The following OPCML variants were observed in gnomAD, a reference collection of about 807,000 sequenced individuals.
OPCML encodes the protein opioid-binding protein/cell adhesion molecule.
OPCML carries 13 observed loss-of-function variants against 37.8 expected under a neutral mutation model. That is an observed-to-expected ratio of 0.34 (90% confidence interval 0.22 to 0.55). OPCML has a LOEUF of 0.55. OPCML is among the 20% of genes least tolerant of loss of function. The pLI, the probability that OPCML is intolerant of heterozygous loss-of-function variation, is 0.91. For missense variants in OPCML, 341 were observed against 435.6 expected (o/e 0.78, Z 1.93); for synonymous variants, 176 against 168.8 (o/e 1.04, Z -0.33).
chr11:132,420,443 G>A, intron 7 of OPCML, 150 bp from the exon 8 acceptor site: 1 of 1,399,610 alleles, frequency 7.1e-7, no homozygotes, highest in Non-Finnish European at 9.3e-7. Flanking sequence ...CCCATTGGGA[G>A]TATTTAGGAA....
intron 1 of OPCML, among the ~76,000 whole-genome samples, chr11:133,287,664 C>A (rs903033175): frequency 2.6e-5 from 4 of 152,036 alleles, no homozygotes; most frequent in African/African-American, 9.7e-5. Context: ...AGCAGACAGG[C>A]AGAACCAGGG....
At chr11:132,797,378 A>T (rs929200567) in intron 2 of OPCML, among the ~76,000 whole-genome samples, 1 of 152,218 alleles carries the variant, frequency 6.6e-6, no homozygotes, top group Admixed American at 6.5e-5. Context: ...CTCCAATTGA[A>T]TTGTTTTGGC....
intron 1 of OPCML, among the ~76,000 whole-genome samples, chr11:133,363,865 G>T (rs1274184514): frequency 1.3e-5 from 2 of 152,096 alleles, no homozygotes; most frequent in Non-Finnish European, 2.9e-5. Flanking sequence ...GTTTAGCATG[G>T]TACCCAAGAA....
chr11:133,414,629 T>G (rs929428684), intron 1 of OPCML, among the ~76,000 whole-genome samples: 1 of 152,290 alleles, frequency 6.6e-6, no homozygotes, highest in Non-Finnish European at 1.5e-5. Context: ...GGAATCCATC[T>G]AATCCCGCAG....
chr11:133,083,690 A>C (rs1948776327), intron 1 of OPCML, among the ~76,000 whole-genome samples: 1 of 152,154 alleles, frequency 6.6e-6, no homozygotes, highest in South Asian at 2.1e-4. Context: ...ATTCCTTTGG[A>C]ACACGGCCTC....
intron 1 of OPCML, among the ~76,000 whole-genome samples, chr11:133,330,811 T>C (rs1943601902): frequency 6.6e-6 from 1 of 152,174 alleles, no homozygotes; most frequent in Admixed American, 6.5e-5. Context: ...GTTGTGCACA[T>C]GTACCCTAAA....
intron 2 of OPCML, among the ~76,000 whole-genome samples, chr11:132,937,577 T>G (rs78487482): frequency 7.0e-6 from 1 of 143,248 alleles, no homozygotes; most frequent in East Asian, 2.1e-4. Flanking sequence ...GTGTGTGTGG[T>G]GTGTGTGGCG....
intron 1 of OPCML, among the ~76,000 whole-genome samples, chr11:133,363,949 G>A (rs539869875): frequency 6.6e-6 from 1 of 152,104 alleles, no homozygotes; most frequent in African/African-American, 2.4e-5. Context: ...CATCAAGCTC[G>A]CAGTGACCTA....
At chr11:133,422,539 C>A (rs78459949) in intron 1 of OPCML, 1 of 965,574 alleles carries the variant, frequency 1.0e-6, no homozygotes, top group Middle Eastern at 5.3e-4. Flanking sequence ...CCTGCTCTAC[C>A]GCCCAGGCTG....
intron 1 of OPCML, among the ~76,000 whole-genome samples, chr11:133,161,374 C>T (rs572291627): frequency 4.6e-5 from 7 of 152,196 alleles, no homozygotes; most frequent in East Asian, 1.9e-4. Context: ...TCGTAATGGA[C>T]GTAGAATTAA....
chr11:132,551,221 G>C (rs79969752), intron 3 of OPCML, among the ~76,000 whole-genome samples: 1 of 152,166 alleles, frequency 6.6e-6, no homozygotes, highest in African/African-American at 2.4e-5. Context: ...GCCAGACCAC[G>C]TACGCTAGAA....
chr11:133,158,149 C>T (rs1453181140), intron 1 of OPCML, among the ~76,000 whole-genome samples: 4 of 152,162 alleles, frequency 2.6e-5, no homozygotes, highest in Admixed American at 6.5e-5. Context: ...GGGGCTTTAC[C>T]GACAGGGGCT....
At chr11:132,421,995 C>T (rs530057084) in intron 7 of OPCML, among the ~76,000 whole-genome samples, 1 of 152,004 alleles carries the variant, frequency 6.6e-6, no homozygotes, top group African/African-American at 2.4e-5. Flanking sequence ...TTTAAAGAAA[C>T]ATATGGGCAG....
intron 1 of OPCML, among the ~76,000 whole-genome samples, chr11:133,350,559 G>T (rs888125039): frequency 1.3e-5 from 2 of 152,158 alleles, no homozygotes; most frequent in Non-Finnish European, 2.9e-5. Context: ...CAAAATATGA[G>T]CTGAGTTTAG....
intron 1 of OPCML, among the ~76,000 whole-genome samples, chr11:133,195,402 G>GT (rs1252603516): frequency 1.3e-5 from 2 of 152,216 alleles, no homozygotes; most frequent in African/African-American, 4.8e-5. Flanking sequence ...TCCTGCACAT[G>GT]TATGTGTGCC....
chr11:132,501,374 G>C (rs987801958), intron 4 of OPCML, among the ~76,000 whole-genome samples: 13 of 152,196 alleles, frequency 8.5e-5, no homozygotes, highest in African/African-American at 3.1e-4. Flanking sequence ...AGCCAAAATT[G>C]ACAAATGGGA....
chr11:132,531,165 G>T (rs1428664089), intron 3 of OPCML, among the ~76,000 whole-genome samples: 1 of 152,156 alleles, frequency 6.6e-6, no homozygotes, highest in African/African-American at 2.4e-5. Flanking sequence ...GGCTGACAAT[G>T]GTACATGCTT....
At chr11:132,984,479 C>G (rs1234531193) in intron 1 of OPCML, among the ~76,000 whole-genome samples, 1 of 152,020 alleles carries the variant, frequency 6.6e-6, no homozygotes, top group Non-Finnish European at 1.5e-5. Context: ...CTTTTTTATC[C>G]TTGCAATATT....
chr11:132,684,398 A>T (rs1367456868), intron 2 of OPCML, among the ~76,000 whole-genome samples: 4 of 152,050 alleles, frequency 2.6e-5, no homozygotes, highest in African/African-American at 9.7e-5. Flanking sequence ...TTGCTATAAA[A>T]CTCATGCTTC....
Sources: gnomAD v4.1 joint callset for allele counts (sites outside exome capture counted in the v4.1 genomes callset) on GRCh38, gnomAD v4.1.1 for gene constraint, MANE v1.5 for transcripts, NCBI Gene and HGNC (gene_info 2026-07-23, HGNC 2026-07-21) for gene names.